The following SIPA1L3 variants were observed in gnomAD, a reference collection of about 807,000 sequenced individuals.
SIPA1L3 encodes the protein signal-induced proliferation-associated 1-like protein 3.
In SIPA1L3, 59 loss-of-function variants were observed where a neutral mutation model predicts 150.1. That is an observed-to-expected ratio of 0.39 (90% confidence interval 0.32 to 0.49). SIPA1L3 has a LOEUF of 0.49. Among genes scored for constraint, SIPA1L3 ranks in the 20% least tolerant of loss-of-function variants. The pLI, the probability that SIPA1L3 is intolerant of heterozygous loss-of-function variation, is 0.86. For missense variants in SIPA1L3, 2,211 were observed against 2,489.5 expected (o/e 0.89, Z 2.38); for synonymous variants, 1,070 against 1,077.6 (o/e 0.99, Z 0.14).
At chr19:37,997,349 CTT>C (rs1967658662) in intron 1 of SIPA1L3, among the ~76,000 whole-genome samples, 1 of 150,902 alleles carries the variant, frequency 6.6e-6, no homozygotes, top group Non-Finnish European at 1.5e-5. Context: ...AGGCGGATCA[CTT>C]GAGGTCAGGA....
At chr19:38,182,480 G>C in intron 15 of SIPA1L3, 39 bp from the exon 16 acceptor site, 1 of 1,467,060 alleles carries the variant, frequency 6.8e-7, no homozygotes, top group Non-Finnish European at 9.3e-7. Context: ...ATGTGGAATG[G>C]ATTTGGTTTT....
intron 16 of SIPA1L3, among the ~76,000 whole-genome samples, chr19:38,187,054 T>C (rs1295180108): frequency 6.8e-6 from 1 of 147,646 alleles, no homozygotes; most frequent in African/African-American, 2.5e-5. Flanking sequence ...GTGTCTCACA[T>C]CTGTAATCCC....
intron 9 of SIPA1L3, among the ~76,000 whole-genome samples, chr19:38,121,171 G>GT (rs960059120): frequency 4.0e-5 from 6 of 151,624 alleles, no homozygotes; most frequent in Non-Finnish European, 8.8e-5. Flanking sequence ...GTGAGATGCC[G>GT]TTTCTAAAAA....
At chr19:38,106,668 T>A in intron 7 of SIPA1L3, 28 bp downstream of exon 7, 1 of 1,499,122 alleles carries the variant, frequency 6.7e-7, no homozygotes, top group Non-Finnish European at 9.3e-7. Context: ...GAGGCACGGC[T>A]GCCGGATGTT....
chr19:37,944,637 C>G (rs1385017779), intron 1 of SIPA1L3, among the ~76,000 whole-genome samples: 1 of 152,130 alleles, frequency 6.6e-6, no homozygotes, highest in Non-Finnish European at 1.5e-5. Flanking sequence ...GGGTTATGTT[C>G]TGATGCACCT....
rs967675025 is a variant in SIPA1L3, at chr19:37,940,371, C to G, written c.-379+33013C>G. Among the ~76,000 whole-genome samples the G allele has an allele frequency of 7.9e-5, 12 of 151,944 alleles. No homozygotes were observed. The East Asian group carries it at 9.6e-4, about 12-fold the overall frequency. ...ACTCTGTTTTCTTCTATATCCACCACCACCCACCCTCTACTGTATTATTTT... is the reference window on the plus strand; with the variant it reads ...ACTCTGTTTTCTTCTATATCCACCAGCACCCACCCTCTACTGTATTATTTT... On this transcript the variant is annotated intron_variant, in intron 1 of 21. Transcript: ENST00000222345.
rs554375506 is a variant in SIPA1L3, at chr19:38,155,779, A to G, written c.3661+2812A>G. Among the ~76,000 whole-genome samples, 3 of 152,230 alleles carry G rather than the reference A, an allele frequency of 2.0e-5. No homozygotes were observed. In the South Asian group the frequency reaches 6.2e-4, roughly 32 times the overall value. ...TTCGTGGCCTGGAGAATTCCTCAAT[A>G]TCTCAGCCCATGGTTCTCTTAAACC... is the stretch of plus-strand genomic sequence containing the variant. On this transcript the variant is annotated intron_variant, in intron 13 of 21. Coordinates refer to ENST00000222345, the MANE Select transcript of SIPA1L3 (RefSeq NM_015073.3).
chr19:38,191,760 G>A (rs915674944), intron 16 of SIPA1L3, among the ~76,000 whole-genome samples: 1 of 151,970 alleles, frequency 6.6e-6, no homozygotes, highest in Non-Finnish European at 1.5e-5. Context: ...CCAGTGAGCC[G>A]ATATCACACC....
chr19:38,204,744 C>G lies in SIPA1L3; in HGVS notation c.5202+536C>G, dbSNP rs1973171146. Among the ~76,000 whole-genome samples the G allele has an allele frequency of 3.3e-5, 5 of 151,628 alleles. No homozygotes were observed. In the South Asian group the frequency reaches 1.0e-3, roughly 32 times the overall value. On this transcript the variant is annotated intron_variant, in intron 21 of 21. Transcript: ENST00000222345. ...TCATGCCACTGGGCTCCAGCCTGGGCAACAGAGCGAGACTCCATCTCAAAA... is the reference window on the plus strand; with the variant it reads ...TCATGCCACTGGGCTCCAGCCTGGGGAACAGAGCGAGACTCCATCTCAAAA...
chr19:37,957,566 C>T (rs353428), intron 1 of SIPA1L3, among the ~76,000 whole-genome samples: 45,466 of 142,908 alleles, frequency 0.32, 8,577 homozygotes, highest in East Asian at 0.69. Flanking sequence ...TTTCTTTTTT[C>T]TTTTCTTTTG....
chr19:37,939,923 C>T (rs1746519193), intron 1 of SIPA1L3, among the ~76,000 whole-genome samples: 1 of 152,146 alleles, frequency 6.6e-6, no homozygotes, highest in Admixed American at 6.5e-5. Flanking sequence ...AGATGATGCC[C>T]TCCCCACTTT....
chr19:38,171,736 A>G (rs1385191321), intron 15 of SIPA1L3, among the ~76,000 whole-genome samples: 1 of 152,132 alleles, frequency 6.6e-6, no homozygotes, highest in African/African-American at 2.4e-5. Context: ...AGGCTCCTGC[A>G]GTCCCAGCTA....
chr19:38,062,097 G>T (rs1015391287), intron 2 of SIPA1L3, among the ~76,000 whole-genome samples: 3 of 151,906 alleles, frequency 2.0e-5, no homozygotes, highest in African/African-American at 7.3e-5. Flanking sequence ...TAGTATGGGA[G>T]TGCCCTATGG....
intron 1 of SIPA1L3, among the ~76,000 whole-genome samples, chr19:37,971,205 T>C (rs1966922759): frequency 6.6e-6 from 1 of 151,988 alleles, no homozygotes; most frequent in African/African-American, 2.4e-5. Context: ...GGTCTCAAAC[T>C]CCTGGGTTCA....
intron 7 of SIPA1L3, 61 bp from the exon 8 acceptor site, chr19:38,110,166 G>A: frequency 6.4e-6 from 10 of 1,560,992 alleles, no homozygotes; most frequent in Non-Finnish European, 8.8e-6. Flanking sequence ...CAGTGGTCCA[G>A]GCAGGACCCG....
At chr19:38,166,325 T>TGAA (rs765136052) in intron 15 of SIPA1L3, among the ~76,000 whole-genome samples, 44 of 151,550 alleles carry the variant, frequency 2.9e-4, no homozygotes, top group Non-Finnish European at 4.7e-4. Flanking sequence ...GGCATGGTAG[T>TGAA]GGGCGCCTGT....
At chr19:38,041,851 AG>A (rs1968933390) in intron 2 of SIPA1L3, among the ~76,000 whole-genome samples, 1 of 152,226 alleles carries the variant, frequency 6.6e-6, no homozygotes, top group Admixed American at 6.5e-5. Flanking sequence ...CTGGGATTAC[AG>A]GTGTAAGCCA....
intron 19 of SIPA1L3, among the ~76,000 whole-genome samples, chr19:38,201,257 G>A (rs935155629): frequency 2.0e-5 from 3 of 152,236 alleles, no homozygotes; most frequent in African/African-American, 2.4e-5. Flanking sequence ...TCTAAGTCAC[G>A]TTTGAAAACG....
intron 10 of SIPA1L3, among the ~76,000 whole-genome samples, chr19:38,136,189 A>AAAAT (rs1479479349): frequency 2.0e-5 from 3 of 148,862 alleles, no homozygotes; most frequent in Admixed American, 6.7e-5. Context: ...GTCTCAAAAA[A>AAAAT]AAAAAAAAAA....
Sources: allele counts gnomAD v4.1 joint callset (sites outside exome capture counted in the v4.1 genomes callset), GRCh38; gene constraint gnomAD v4.1.1; transcripts MANE v1.5; gene names NCBI Gene and HGNC (gene_info 2026-07-23, HGNC 2026-07-21).